SENP6: variants seen among roughly 807,000 people sequenced by gnomAD.
SENP6 encodes sentrin-specific protease 6.
A neutral mutation model predicts 134.5 loss-of-function variants in SENP6; 41 were observed. The observed-to-expected ratio is 0.30, with a 90% CI of 0.24 to 0.40. The LOEUF is 0.40. Among genes scored for constraint, SENP6 ranks in the 10% least tolerant of loss-of-function variants. The pLI is 1.00. For missense variants in SENP6, 1,248 were observed against 1,312.5 expected (o/e 0.95, Z 0.76); for synonymous variants, 395 against 429.8 (o/e 0.92, Z 1.00).
chr6:75,642,883 A>T, intron 6 of SENP6, among the ~76,000 whole-genome samples: 1 of 152,216 alleles, frequency 6.6e-6, no homozygotes, highest in East Asian at 1.9e-4. Context: ...AAACTATCTC[A>T]GCAAGGTCTA....
chr6:75,666,057 T>C (rs988216912), intron 9 of SENP6, among the ~76,000 whole-genome samples: 16 of 141,234 alleles, frequency 1.1e-4, no homozygotes, highest in Admixed American at 1.6e-4. Context: ...ATATATGATA[T>C]ATAAAACGTA....
chr6:75,657,681 T>G (rs1771451007), intron 7 of SENP6, among the ~76,000 whole-genome samples: 1 of 152,220 alleles, frequency 6.6e-6, no homozygotes, highest in Non-Finnish European at 1.5e-5. Context: ...AAACGTAATT[T>G]CTGCTCTTCC....
intron 7 of SENP6, among the ~76,000 whole-genome samples, chr6:75,658,310 A>G (rs1050164863): frequency 1.3e-5 from 2 of 152,184 alleles, no homozygotes; most frequent in African/African-American, 2.4e-5. Context: ...ATGGTGTTGT[A>G]TATCAAATTA....
chr6:75,656,228 AAAAAG>A (rs1242440463), intron 7 of SENP6, among the ~76,000 whole-genome samples: 2 of 152,106 alleles, frequency 1.3e-5, no homozygotes, highest in South Asian at 2.1e-4. Context: ...AAAAAAAAAA[AAAAAG>A]AATACACATT....
intron 6 of SENP6, chr6:75,646,985 T>A (rs971818199): frequency 6.6e-6 from 1 of 152,226 alleles, no homozygotes; most frequent in African/African-American, 2.4e-5. Context: ...TTGGAACTTT[T>A]GTTTGAGTAA....
At chr6:75,613,902 G>T (rs1174974159) in intron 1 of SENP6, among the ~76,000 whole-genome samples, 1 of 152,100 alleles carries the variant, frequency 6.6e-6, no homozygotes, top group East Asian at 1.9e-4. Flanking sequence ...AAAAATTCTG[G>T]TTCAGGATCT....
At chr6:75,638,879 G>A (rs1024804811) in intron 5 of SENP6, among the ~76,000 whole-genome samples, 2 of 151,556 alleles carry the variant, frequency 1.3e-5, no homozygotes, top group South Asian at 2.1e-4. Flanking sequence ...CCAACATGGC[G>A]AAATCTTGTC....
chr6:75,614,260 CTTT>C (rs1024636893), intron 1 of SENP6, among the ~76,000 whole-genome samples: 2 of 140,234 alleles, frequency 1.4e-5, no homozygotes, highest in Non-Finnish European at 1.5e-5. Context: ...AAGTTACTAT[CTTT>C]TTTTTTTTTT....
At chr6:75,678,503 C>A in intron 14 of SENP6, 80 bp from the exon 15 acceptor site, 1 of 712,104 alleles carries the variant, frequency 1.4e-6, no homozygotes, top group Non-Finnish European at 2.5e-6. Context: ...CATTGAAAAG[C>A]ATTCTTGCCT....
intron 10 of SENP6, among the ~76,000 whole-genome samples, chr6:75,668,728 G>A (rs976694006): frequency 6.6e-5 from 10 of 152,148 alleles, no homozygotes; most frequent in African/African-American, 2.4e-4. Context: ...GTTTGCTATC[G>A]CAAGAGATTG....
At chr6:75,688,153 C>T (rs1188365320) in intron 16 of SENP6, among the ~76,000 whole-genome samples, 3 of 152,220 alleles carry the variant, frequency 2.0e-5, no homozygotes, top group Non-Finnish European at 4.4e-5. Flanking sequence ...GATCTCAGAC[C>T]GCTGTGCTAG....
intron 16 of SENP6, among the ~76,000 whole-genome samples, chr6:75,690,836 C>T (rs950265861): frequency 2.0e-5 from 3 of 151,752 alleles, no homozygotes; most frequent in Admixed American, 6.6e-5. Flanking sequence ...GCTGGGACTA[C>T]AGGCGCTCAC....
chr6:75,626,302 T>C (rs1305560364), intron 3 of SENP6, among the ~76,000 whole-genome samples: 1 of 151,956 alleles, frequency 6.6e-6, no homozygotes, highest in Non-Finnish European at 1.5e-5. Context: ...TTTTTCCCTA[T>C]AAGTGACTTG....
At chr6:75,619,317 G>A (rs1768087541) in intron 1 of SENP6, among the ~76,000 whole-genome samples, 1 of 151,914 alleles carries the variant, frequency 6.6e-6, no homozygotes, top group African/African-American at 2.4e-5. Flanking sequence ...CATATATGTG[G>A]AATCATACAA....
intron 1 of SENP6, among the ~76,000 whole-genome samples, chr6:75,606,382 T>A (rs891003540): frequency 1.3e-5 from 2 of 152,158 alleles, no homozygotes; most frequent in Non-Finnish European, 2.9e-5. Flanking sequence ...TCATAACCCC[T>A]TTTCCACTTA....
chr6:75,660,510 A>T (rs545308805), intron 8 of SENP6, among the ~76,000 whole-genome samples: 47 of 152,138 alleles, frequency 3.1e-4, no homozygotes, highest in Non-Finnish European at 5.9e-4. Flanking sequence ...CCCAGATTCC[A>T]TGTGAGTCCC....
intron 18 of SENP6, among the ~76,000 whole-genome samples, chr6:75,701,653 T>TTTA (rs1775039507): frequency 6.9e-6 from 1 of 145,598 alleles, no homozygotes; most frequent in Non-Finnish European, 1.5e-5. Flanking sequence ...TTTTTTTTTT[T>TTTA]TTTGGAGACG....
In SENP6 at chr6:75,671,449, C is replaced by T. The variant is rs148167257; in HGVS notation, c.1392+729C>T. Among the ~76,000 whole-genome samples the T allele has an allele frequency of 2.5e-3, 378 of 152,210 alleles. 5 individuals carry two copies. The highest frequency in any genetic ancestry group is 8.3e-3 in the African/African-American group (343 of 41,538). On this transcript the variant is annotated intron_variant, in intron 11 of 23. Transcript: ENST00000447266. ...GTCTTTAAGAGAACTTATTGCCGGG[C>T]GCGGTGTCTCACGCCTGTAATCCCA...
intron 1 of SENP6, among the ~76,000 whole-genome samples, chr6:75,610,335 A>C (rs1767349033): frequency 6.6e-6 from 1 of 152,228 alleles, no homozygotes; most frequent in Non-Finnish European, 1.5e-5. Context: ...TAAGTCACAG[A>C]CTGTTAATGC....
Sources: gnomAD v4.1 joint callset for allele counts (sites outside exome capture counted in the v4.1 genomes callset) on GRCh38, gnomAD v4.1.1 for gene constraint, MANE v1.5 for transcripts, NCBI Gene and HGNC (gene_info 2026-07-23, HGNC 2026-07-21) for gene names.